The following BTN3A1 variants were observed in gnomAD, a reference collection of about 807,000 sequenced individuals.
BTN3A1 encodes butyrophilin subfamily 3 member A1, also known as dJ45P21.3 (butyrophilin, subfamily 3, member A1).
BTN3A1 carries 24 observed loss-of-function variants against 43.0 expected under a neutral mutation model. The ratio of observed to expected loss-of-function variants is 0.56; its 90% CI spans 0.40 to 0.78. BTN3A1 has a LOEUF of 0.78. BTN3A1 is among the 30% of genes least tolerant of loss of function. The pLI, the probability that BTN3A1 is intolerant of heterozygous loss-of-function variation, is 0.00. For missense variants in BTN3A1, 533 were observed against 626.2 expected (o/e 0.85, Z 1.59); for synonymous variants, 181 against 234.7 (o/e 0.77, Z 2.09).
Position 26,405,488 on chromosome 6 carries a change from A to G in BTN3A1, c.-76A>G, listed in dbSNP as rs907319610. ...TAGCTCTAGGGAAGTGGAGGTTTCC[A>G]TTTGGAATTCTATAGCTTCTTCCAG... On this transcript the variant is annotated 5_prime_UTR_variant, in exon 2 of 10. Coordinates refer to ENST00000289361, the MANE Select transcript of BTN3A1 (RefSeq NM_007048.6). 18 of 1,428,084 alleles carry G rather than the reference A, an allele frequency of 1.3e-5. No individual in the cohort carries two copies. In the Admixed American group the frequency reaches 1.4e-4, roughly 11 times the overall value. The allele number at this position is 1,428,084 out of a possible 1,614,324, so 88.5% of individuals were successfully genotyped here. A position where few individuals can be genotyped will look rare whatever the true frequency, so the allele number is the denominator to read the frequency against.
intron 7 of BTN3A1, among the ~76,000 whole-genome samples, chr6:26,410,339 G>T (rs1762167464): frequency 6.6e-6 from 1 of 151,958 alleles, no homozygotes; most frequent in Non-Finnish European, 1.5e-5. Flanking sequence ...CTCTACCAGG[G>T]GCCACAGACT....
chr6:26,413,880 A>G lies in BTN3A1; in HGVS notation c.*188A>G, dbSNP rs1217389711. The stretch of plus-strand genomic sequence containing the variant: ...CAACCAATCACAACCATAAAGCTAC[A>G]AGCACGCACTGAAGCACTTTACTGA... On this transcript the variant is annotated 3_prime_UTR_variant, in exon 10 of 10. Transcript: ENST00000289361. The G allele has an allele frequency of 7.4e-6, 8 of 1,086,348 alleles. No homozygotes were observed. The highest frequency in any genetic ancestry group is 1.1e-5 in the Non-Finnish European group (8 of 749,568). The allele number at this position is 1,086,348 out of a possible 1,614,324, so 67.3% of individuals were successfully genotyped here.
rs1481306723 is a variant in BTN3A1, at chr6:26,414,209, C to T, written c.*517C>T. 5.9e-6 allele frequency: 1 copy of T among 169,010 alleles called. No homozygotes were observed. The highest frequency in any genetic ancestry group is 2.4e-5 in the African/African-American group (1 of 41,638). The allele number at this position is 169,010 out of a possible 1,614,324, so 10.5% of individuals were successfully genotyped here. A position where few individuals can be genotyped will look rare whatever the true frequency, so the allele number is the denominator to read the frequency against. Reference sequence around the variant, plus strand: ...GGGCAACATTAAGCAACTTACATAACTCATGCAGTAATTTCTGCAGTTGGG... The same window carrying T: ...GGGCAACATTAAGCAACTTACATAATTCATGCAGTAATTTCTGCAGTTGGG... On this transcript the variant is annotated 3_prime_UTR_variant, in exon 10 of 10. Coordinates refer to ENST00000289361, the MANE Select transcript of BTN3A1 (RefSeq NM_007048.6).
chr6:26,413,887 C>A lies in BTN3A1; in HGVS notation c.*195C>A. ...TCACAACCATAAAGCTACAAGCACG[C>A]ACTGAAGCACTTTACTGATACTCAT... On this transcript the variant is annotated 3_prime_UTR_variant, in exon 10 of 10. Coordinates refer to ENST00000289361, the MANE Select transcript of BTN3A1 (RefSeq NM_007048.6). 1.0e-6 allele frequency: 1 copy of A among 961,808 alleles called. No individual in the cohort carries two copies. Among genetic ancestry groups the A allele is most frequent in the Non-Finnish European group, 1.5e-6 (1 of 646,170 alleles). 59.6% of individuals were successfully genotyped at this position (961,808 alleles called of 1,614,324 possible). A position where few individuals can be genotyped will look rare whatever the true frequency, so the allele number is the denominator to read the frequency against.
rs757512014 is a variant in BTN3A1 at position 26,413,598 on chromosome 6, A to T, written c.1448A>T (p.His483Leu). Residue 483 changes from histidine to leucine, a missense_variant, in exon 10 of 10, where the codon CAT (histidine) becomes CTT (leucine). His to Leu is a moderately conservative substitution (Grantham distance 99). Around this residue, in one of 4 missense-constraint regions of BTN3A1, gnomAD observed 415 missense variants for 427.0 expected, o/e 0.97. Transcript: ENST00000289361. ...FYNAVDGSHI[H>L]TFLDVSFSEA... ...AATGCTGTGGATGGATCGCATATTC[A>T]TACTTTCCTGGACGTCTCCTTCTCT... The T allele has an allele frequency of 6.2e-7, 1 of 1,614,176 alleles. No individual in the cohort carries two copies. The highest frequency in any genetic ancestry group is 1.3e-5 in the African/African-American group (1 of 75,032).
chr6:26,413,000 C>A (rs529535704), intron 9 of BTN3A1, 169 bp from the exon 10 acceptor site: 3 of 1,463,922 alleles, frequency 2.0e-6, no homozygotes, highest in Non-Finnish European at 2.7e-6. Flanking sequence ...ATACCTGATA[C>A]CTGGGGCTTT....
chr6:26,402,412 G>A lies in BTN3A1; in HGVS notation c.-193G>A, dbSNP rs1761882909. The A allele has an allele frequency of 6.6e-6, 1 of 152,318 alleles. No individual in the cohort carries two copies. The highest frequency in any genetic ancestry group is 1.5e-5 in the Non-Finnish European group (1 of 68,072). The allele number at this position is 152,318 out of a possible 1,614,324, so 9.4% of individuals were successfully genotyped here. A position where few individuals can be genotyped will look rare whatever the true frequency, so the allele number is the denominator to read the frequency against. On this transcript the variant is annotated splice_region_variant and 5_prime_UTR_variant, in exon 1 of 10. Transcript: ENST00000289361. Reference sequence around the variant, plus strand: ...TGATTTTCAGAGGGGAATGCTAAGAGGTGAGTGGGGGAAGTCGATTAGAGC... The same window carrying A: ...TGATTTTCAGAGGGGAATGCTAAGAAGTGAGTGGGGGAAGTCGATTAGAGC...
At chr6:26,407,132 T>G (rs1435746661) in intron 3 of BTN3A1, among the ~76,000 whole-genome samples, 1 of 152,224 alleles carries the variant, frequency 6.6e-6, no homozygotes, top group African/African-American at 2.4e-5. Flanking sequence ...GATGCTGGTG[T>G]TCTGTGAAAT....
intron 7 of BTN3A1, 39 bp downstream of exon 7, chr6:26,410,071 A>G (rs1158142570): frequency 6.2e-7 from 1 of 1,611,196 alleles, no homozygotes; most frequent in Non-Finnish European, 8.5e-7. Flanking sequence ...TTGAATCTAT[A>G]ACTGTCTGTG....
At chr6:26,408,094 C>T in intron 4 of BTN3A1, 142 bp downstream of exon 4, 1 of 1,322,184 alleles carries the variant, frequency 7.6e-7, no homozygotes, top group South Asian at 1.5e-5. Flanking sequence ...CCTCCTTGCA[C>T]CGGGGGAGCT....
At chr6:26,403,912 C>T (rs1761930178) in intron 1 of BTN3A1, among the ~76,000 whole-genome samples, 1 of 152,132 alleles carries the variant, frequency 6.6e-6, no homozygotes, top group East Asian at 1.9e-4. Flanking sequence ...ACTTATGTCT[C>T]ATTCTAAGGA....
chr6:26,404,159 A>T (rs1411043645), intron 1 of BTN3A1: 1 of 152,208 alleles, frequency 6.6e-6, no homozygotes, highest in African/African-American at 2.4e-5. Context: ...GGCCATTCCC[A>T]GACCCACAGC....
At chr6:26,402,756 A>G (rs1460415049) in intron 1 of BTN3A1, among the ~76,000 whole-genome samples, 2 of 152,238 alleles carry the variant, frequency 1.3e-5, no homozygotes, top group Admixed American at 6.5e-5. Context: ...TTATAGATTC[A>G]TATGTAAATT....
intron 2 of BTN3A1, 123 bp from the exon 3 acceptor site, chr6:26,405,786 C>A: frequency 6.3e-7 from 1 of 1,585,974 alleles, no homozygotes; most frequent in East Asian, 2.2e-5. Context: ...AATGGTGCTT[C>A]TGTTAAGATC....
At chr6:26,408,970 A>G (rs1762112032) in intron 4 of BTN3A1, among the ~76,000 whole-genome samples, 1 of 152,174 alleles carries the variant, frequency 6.6e-6, no homozygotes, top group South Asian at 2.1e-4. Flanking sequence ...ACTAGGTGTC[A>G]GGCACTTTAT....
At position 26,413,654 on chromosome 6, in the gene BTN3A1, A is replaced by T. The variant is rs1388680437; in HGVS notation, c.1504A>T (p.Thr502Ser). The part of the protein sequence containing the change: ...EALYPVFRIL[T>S]LEPTALTICP... ...TCTATATCCTGTTTTCAGAATTTTGACCTTGGAGCCCACGGCCCTGACTAT... is the reference window on the plus strand; with the variant it reads ...TCTATATCCTGTTTTCAGAATTTTGTCCTTGGAGCCCACGGCCCTGACTAT... Residue 502 changes from threonine (T) to serine (S), a missense_variant, in exon 10 of 10, where the codon ACC becomes TCC. By Grantham distance (58) the Thr-to-Ser change is moderately conservative (BLOSUM62 1). Coordinates refer to ENST00000289361, the MANE Select transcript of BTN3A1 (RefSeq NM_007048.6). 5.0e-6 allele frequency: 8 copies of T among 1,613,414 alleles called. No individual in the cohort carries two copies. The highest frequency in any genetic ancestry group is 6.8e-6 in the Non-Finnish European group (8 of 1,179,874).
In BTN3A1 at chr6:26,414,572, G is replaced by A. The variant is rs931294899; in HGVS notation, c.*880G>A. 1.3e-5 allele frequency: 2 copies of A among 152,210 alleles called. No individual in the cohort carries two copies. Among genetic ancestry groups the A allele is most frequent in the Admixed American group, 6.5e-5 (1 of 15,288 alleles). 9.4% of individuals were successfully genotyped at this position (152,210 alleles called of 1,614,324 possible). A position where few individuals can be genotyped will look rare whatever the true frequency, so the allele number is the denominator to read the frequency against. ...GTGTTCCACCCAACAAATGTGATAA[G>A]TGATCATGCAGCCAGAGCCAGCCTT... On this transcript the variant is annotated 3_prime_UTR_variant, in exon 10 of 10. Transcript: ENST00000289361.
At position 26,409,524 on chromosome 6, in the gene BTN3A1, C is replaced by T; in HGVS notation, c.716-9C>T. The T allele has an allele frequency of 6.2e-7, 1 of 1,613,060 alleles. No homozygotes were observed. The highest frequency in any genetic ancestry group is 8.5e-7 in the Non-Finnish European group (1 of 1,179,970). ...CGGCCCCCATGACCCACAGCCGTTG[C>T]CTTCACAGACCCCTTCTTCAGGAGC... is the stretch of plus-strand genomic sequence containing the variant. On this transcript the variant is annotated splice_polypyrimidine_tract_variant and intron_variant, in intron 4 of 9. Coordinates refer to ENST00000289361, the MANE Select transcript of BTN3A1 (RefSeq NM_007048.6).
At chr6:26,409,869 A>G (rs978075967) in intron 5 of BTN3A1, 25 bp from the exon 6 acceptor site, 1 of 1,614,096 alleles carries the variant, frequency 6.2e-7, no homozygotes, top group South Asian at 1.1e-5. Flanking sequence ...GTAACAGTTC[A>G]TTATTATTTC....
Sources: gnomAD v4.1 joint callset for allele counts (sites outside exome capture counted in the v4.1 genomes callset) on GRCh38, gnomAD v4.1.1 for gene constraint, gnomAD v4.1.1 regional missense constraint, MANE v1.5 for transcripts, NCBI Gene and HGNC (gene_info 2026-07-23, HGNC 2026-07-21) for gene names.